Variants in ATL1 observed in about 807,000 individuals in gnomAD.
The protein encoded by ATL1 is atlastin GTPase 1, also known as atlastin-1.
A neutral mutation model predicts 75.5 loss-of-function variants in ATL1; 31 were observed. The observed-to-expected ratio is 0.41, with a 90% confidence interval of 0.31 to 0.55. The LOEUF is 0.55. Among genes scored for constraint, ATL1 ranks in the 20% least tolerant of loss-of-function variants. The pLI, the probability that ATL1 is intolerant of heterozygous loss-of-function variation, is 0.27. For missense variants in ATL1, 405 were observed against 662.6 expected, an observed-to-expected ratio of 0.61 and a Z score of 4.27; for synonymous variants, 226 against 233.3, an observed-to-expected ratio of 0.97 and a Z score of 0.28.
At chr14:50,564,647 C>CAAAAAAAAAAAAAAAAAAAAAAAAAAA (rs60054322) in intron 1 of ATL1, among the ~76,000 whole-genome samples, 1 of 40,004 alleles carries the variant, frequency 2.5e-5, no homozygotes, top group African/African-American at 1.1e-4. Context: ...GATTCCGTCT[C>CAAAAAAAAAAAAAAAAAAAAAAAAAAA]AAAAAAAAAA....
chr14:50,630,987 G>A (rs143125272), intron 13 of ATL1: 115 of 454,570 alleles, frequency 2.5e-4, no homozygotes, highest in African/African-American at 1.9e-3. Context: ...GGCCAGGCGC[G>A]GTGGCTCACG....
chr14:50,602,884 GC>G (rs2039284132), intron 6 of ATL1, among the ~76,000 whole-genome samples: 1 of 152,106 alleles, frequency 6.6e-6, no homozygotes, highest in South Asian at 2.1e-4. Context: ...TCTGAGCCAT[GC>G]CACAGTTCTG....
At chr14:50,601,403 G>A (rs1023238389) in intron 6 of ATL1, among the ~76,000 whole-genome samples, 2 of 152,192 alleles carry the variant, frequency 1.3e-5, no homozygotes, top group East Asian at 1.9e-4. Context: ...ATATTGAAGT[G>A]CAAGTGTAAC....
chr14:50,604,529 A>T (rs1190361062), intron 6 of ATL1, among the ~76,000 whole-genome samples: 2 of 152,160 alleles, frequency 1.3e-5, no homozygotes, highest in Non-Finnish European at 2.9e-5. Context: ...CGAAATTGGA[A>T]GACCTGGATT....
At chr14:50,535,313 G>A (rs1239673849) in intron 1 of ATL1, among the ~76,000 whole-genome samples, 1 of 152,170 alleles carries the variant, frequency 6.6e-6, no homozygotes, top group African/African-American at 2.4e-5. Context: ...ATAAAGCTAA[G>A]GTTCACAATT....
chr14:50,556,467 C>T (rs543058599), upstream of ATL1, among the ~76,000 whole-genome samples: 1 of 152,264 alleles, frequency 6.6e-6, no homozygotes, highest in East Asian at 1.9e-4. Context: ...ATCCTCCCAC[C>T]TCAGCTTCCC....
chr14:50,594,288 G>A (rs1246068449), intron 5 of ATL1, among the ~76,000 whole-genome samples: 1 of 152,138 alleles, frequency 6.6e-6, no homozygotes, highest in African/African-American at 2.4e-5. Context: ...CAGCGTGGGG[G>A]AAACAGCCTC....
At chr14:50,565,585 C>G (rs1209557203) in intron 1 of ATL1, among the ~76,000 whole-genome samples, 6 of 151,586 alleles carry the variant, frequency 4.0e-5, no homozygotes, top group African/African-American at 1.5e-4. Context: ...TTTTAAGTTG[C>G]CTTCCCTGCA....
At chr14:50,550,379 G>T (rs2038687276) in intron 1 of ATL1, among the ~76,000 whole-genome samples, 1 of 152,198 alleles carries the variant, frequency 6.6e-6, no homozygotes, top group African/African-American at 2.4e-5. Flanking sequence ...TGTTTGCCTT[G>T]TTTCTGCTAC....
intron 4 of ATL1, among the ~76,000 whole-genome samples, chr14:50,593,402 G>A (rs145774799): frequency 4.7e-4 from 71 of 152,208 alleles, no homozygotes; most frequent in African/African-American, 1.7e-3. Flanking sequence ...ATGTGAGCAT[G>A]ATATTCAGAA....
At chr14:50,549,469 A>G (rs1407524989) in intron 1 of ATL1, among the ~76,000 whole-genome samples, 4 of 152,190 alleles carry the variant, frequency 2.6e-5, no homozygotes, top group African/African-American at 9.7e-5. Context: ...TGACAAGTCA[A>G]TTGTATTGGT....
chr14:50,596,066 T>C (rs1483890630), intron 6 of ATL1, among the ~76,000 whole-genome samples: 2 of 152,192 alleles, frequency 1.3e-5, no homozygotes, highest in African/African-American at 4.8e-5. Flanking sequence ...ATCAGGCACA[T>C]ACTAAGTGAA....
intron 5 of ATL1, 51 bp downstream of exon 5, chr14:50,593,947 T>A: frequency 7.6e-7 from 1 of 1,312,038 alleles, no homozygotes; most frequent in South Asian, 1.2e-5. Flanking sequence ...TTGAAACATG[T>A]ATAGCAGAAC....
chr14:50,598,097 G>A (rs1342678509), intron 6 of ATL1, among the ~76,000 whole-genome samples: 2 of 151,860 alleles, frequency 1.3e-5, no homozygotes, highest in African/African-American at 2.4e-5. Flanking sequence ...TTAGTAATTA[G>A]CCACCAAAAT....
At chr14:50,582,631 G>C (rs2039067345) in intron 1 of ATL1, among the ~76,000 whole-genome samples, 1 of 149,912 alleles carries the variant, frequency 6.7e-6, no homozygotes, top group African/African-American at 2.5e-5. Context: ...TCACCATCTT[G>C]GCCAGGTTGG....
intron 13 of ATL1, chr14:50,631,211 C>T (rs115783983): frequency 0.011 from 1,831 of 170,002 alleles, 38 homozygotes; most frequent in African/African-American, 0.041. Context: ...GAGCCAAGAT[C>T]GTGCCACCAC....
At position 50,577,264 on chromosome 14, in the gene ATL1, G is replaced by A. The variant is rs539124589; in HGVS notation, c.35-10567G>A. On this transcript the variant is annotated intron_variant, in intron 1 of 13. Transcript: ENST00000358385. ...TTTTTAGTAGAGACAGGGTTTCACC[G>A]TGTTAGCCAGGACGATCTCAATCTC... 1.3e-4 allele frequency among the ~76,000 whole-genome samples: 20 copies of A among 152,038 alleles called. 1 individual carries two copies. The East Asian group carries it at 2.3e-3, about 18-fold the overall frequency.
At chr14:50,575,499 CTGTT>C (rs1276727260) in intron 1 of ATL1, among the ~76,000 whole-genome samples, 1 of 152,104 alleles carries the variant, frequency 6.6e-6, no homozygotes, top group Non-Finnish European at 1.5e-5. Context: ...TTCCTTATCT[CTGTT>C]TGTCTCTGTA....
upstream of ATL1, among the ~76,000 whole-genome samples, chr14:50,555,533 C>A (rs139308622): frequency 0.014 from 2,135 of 152,310 alleles, 41 homozygotes; most frequent in African/African-American, 0.049. Flanking sequence ...ATCTGCCCGC[C>A]TTGGCCTCTC....
Sources: gnomAD v4.1 joint callset for allele counts (sites outside exome capture counted in the v4.1 genomes callset) on GRCh38, gnomAD v4.1.1 for gene constraint, MANE v1.5 for transcripts, NCBI Gene and HGNC (gene_info 2026-07-23, HGNC 2026-07-21) for gene names.